AR: variants seen among roughly 807,000 people sequenced by gnomAD.
The protein encoded by AR is dihydrotestosterone receptor.
A neutral mutation model predicts 53.9 loss-of-function variants in AR; 8 were observed. The observed-to-expected ratio is 0.15, with a 90% confidence interval of 0.09 to 0.27. The LOEUF (loss-of-function observed/expected upper bound fraction) is 0.27. Ranked by LOEUF, AR falls within the 10% of genes least tolerant of loss-of-function variation. The pLI is 1.00. For missense variants in AR, 639 were observed against 742.5 expected (o/e 0.86, Z 1.62); for synonymous variants, 359 against 316.4 (o/e 1.13, Z -1.43).
intron 2 of AR, among the ~76,000 whole-genome samples, 153 bp downstream of exon 2, chrX:67,643,560 T>G (rs1175080459): frequency 8.9e-6 from 1 of 111,904 alleles, no homozygotes; most frequent in African/African-American, 3.2e-5. Flanking sequence ...GGAAGCAAAT[T>G]TTTGTACTTG....
chrX:67,571,301 A>T (rs1690591149), intron 1 of AR, among the ~76,000 whole-genome samples: 1 of 111,595 alleles, frequency 9.0e-6, no homozygotes. Context: ...CATCATACAC[A>T]CTGATCCACT....
At chrX:67,670,308 G>A (rs1246010207) in intron 2 of AR, among the ~76,000 whole-genome samples, 1 of 86,696 alleles carries the variant, frequency 1.2e-5, no homozygotes, top group Non-Finnish European at 2.2e-5. Context: ...ATCCACTTGT[G>A]CCCCCAAAAC....
intron 1 of AR, among the ~76,000 whole-genome samples, chrX:67,625,607 T>G (rs973257603): frequency 1.8e-5 from 2 of 111,733 alleles, no homozygotes; most frequent in African/African-American, 6.5e-5. Flanking sequence ...CTCTTACATT[T>G]AAGACCAATT....
intron 2 of AR, among the ~76,000 whole-genome samples, chrX:67,648,651 C>T (rs1175830153): frequency 1.8e-5 from 2 of 112,192 alleles, no homozygotes; most frequent in South Asian, 3.7e-4. Flanking sequence ...GTGCCCAATT[C>T]GGGAGCCATG....
In AR at chrX:67,695,357, G is replaced by A. The variant is rs1010321353; in HGVS notation, c.1885+9231G>A. 1.9e-5 allele frequency: 14 copies of A among 751,989 alleles called. No individual in the cohort carries two copies. The Admixed American group carries it at 1.2e-3, about 67-fold the overall frequency. The allele number at this position is 751,989 out of a possible 1,213,427, so 62.0% of individuals were successfully genotyped here. On this transcript the variant is annotated intron_variant, in intron 3 of 7. Transcript: ENST00000374690. The stretch of plus-strand genomic sequence containing the variant: ...TTCAGTAAACAAGGACCAGATTTCT[G>A]CTTCTCCAGGAGAAGAAGCCAGCCA...
At chrX:67,645,662 T>C (rs1166858107) in intron 2 of AR, among the ~76,000 whole-genome samples, 23 of 111,010 alleles carry the variant, frequency 2.1e-4, no homozygotes, top group Non-Finnish European at 5.7e-5. Flanking sequence ...CCCTTGGTTA[T>C]TTTGACATAT....
chrX:67,653,879 T>C (rs1050161013), intron 2 of AR, among the ~76,000 whole-genome samples: 1 of 111,502 alleles, frequency 9.0e-6, no homozygotes, highest in Non-Finnish European at 1.9e-5. Context: ...TATTAAATGA[T>C]CTTGAAGATT....
intron 3 of AR, among the ~76,000 whole-genome samples, chrX:67,698,958 G>A (rs2076031863): frequency 9.0e-6 from 1 of 111,618 alleles, no homozygotes; most frequent in Non-Finnish European, 1.9e-5. Flanking sequence ...CAGCACATTC[G>A]TTTTATAAAT....
At chrX:67,663,501 A>C (rs1430329209) in intron 2 of AR, among the ~76,000 whole-genome samples, 6 of 112,329 alleles carry the variant, frequency 5.3e-5, no homozygotes, top group Middle Eastern at 4.6e-3. Flanking sequence ...TCAGCTCTTA[A>C]TCTGATGGGC....
intron 1 of AR, among the ~76,000 whole-genome samples, chrX:67,636,140 G>A (rs1451649264): frequency 1.8e-5 from 2 of 111,169 alleles, no homozygotes; most frequent in East Asian, 5.7e-4. Context: ...TGAAGGCATG[G>A]ATTTTTGTCC....
intron 1 of AR, among the ~76,000 whole-genome samples, chrX:67,631,207 T>C (rs751473030): frequency 9.0e-6 from 1 of 111,629 alleles, no homozygotes; most frequent in South Asian, 3.8e-4. Context: ...ACTGGGGAGG[T>C]TCTCCTGGAT....
Position 67,728,471 on chromosome X carries a change from T to A in AR, c.*4630T>A, listed in dbSNP as rs2076166738. 2 of 145,849 alleles carry A rather than the reference T, an allele frequency of 1.4e-5. No homozygotes were observed. Among genetic ancestry groups the A allele is most frequent in the Non-Finnish European group, 2.7e-5 (2 of 74,466 alleles). 12.0% of individuals were successfully genotyped at this position (145,849 alleles called of 1,213,427 possible). On this transcript the variant is annotated 3_prime_UTR_variant, in exon 8 of 8. Coordinates refer to ENST00000374690, the MANE Select transcript of AR (RefSeq NM_000044.6). ...CTAGAGGGACAGCAGGCAGAAATCC[T>A]TATTTCTGCCCACTTTGGATGGCAC... is the stretch of plus-strand genomic sequence containing the variant.
At chrX:67,703,997 A>G (rs1217162099) in intron 3 of AR, among the ~76,000 whole-genome samples, 1 of 112,110 alleles carries the variant, frequency 8.9e-6, no homozygotes, top group Non-Finnish European at 1.9e-5. Context: ...ATGGCTGCAT[A>G]GTATTCCATG....
chrX:67,669,354 A>C (rs1430466621), intron 2 of AR, among the ~76,000 whole-genome samples: 1 of 111,582 alleles, frequency 9.0e-6, no homozygotes, highest in East Asian at 2.8e-4. Context: ...TAGTTTCCAA[A>C]ATTCCTCTTG....
chrX:67,724,202 C>T lies in AR; in HGVS notation c.*361C>T, dbSNP rs1291923209. ...CACTACTCTGTGCCAGCCACACAAA[C>T]GTTTACTTATCTTATGCCACGGGAA... is the stretch of plus-strand genomic sequence containing the variant. On this transcript the variant is annotated 3_prime_UTR_variant, in exon 8 of 8. Transcript: ENST00000374690. 1.0e-5 allele frequency: 2 copies of T among 196,194 alleles called. No individual in the cohort carries two copies. The highest frequency in any genetic ancestry group is 1.9e-5 in the Non-Finnish European group (2 of 107,666). 16.2% of individuals were successfully genotyped at this position (196,194 alleles called of 1,213,427 possible).
intron 2 of AR, among the ~76,000 whole-genome samples, chrX:67,683,787 C>G (rs2075950157): frequency 9.0e-6 from 1 of 111,105 alleles, no homozygotes; most frequent in Non-Finnish European, 1.9e-5. Flanking sequence ...TAAAGAATAT[C>G]TACGTTTTAG....
chrX:67,635,340 G>A (rs1461806225), intron 1 of AR, among the ~76,000 whole-genome samples: 1 of 111,461 alleles, frequency 9.0e-6, no homozygotes, highest in Non-Finnish European at 1.9e-5. Context: ...CCAAAGTTCA[G>A]TGGTAGAGGC....
chrX:67,719,525 C>T (rs1345956668), intron 5 of AR, among the ~76,000 whole-genome samples: 2 of 111,741 alleles, frequency 1.8e-5, no homozygotes, highest in Non-Finnish European at 1.9e-5. Context: ...GAGGCCTAGA[C>T]CCATCAAACC....
Position 67,727,534 on chromosome X carries a change from A to G in AR, c.*3693A>G, listed in dbSNP as rs1012994316. ...ACAAATGAGCTAACATTGAGCTTCAAGTAGCTTCTAAGTGTTTGTTTCATT... is the reference window on the plus strand; with the variant it reads ...ACAAATGAGCTAACATTGAGCTTCAGGTAGCTTCTAAGTGTTTGTTTCATT... On this transcript the variant is annotated 3_prime_UTR_variant, in exon 8 of 8. Transcript: ENST00000374690. The G allele has an allele frequency of 5.8e-6, 1 of 172,367 alleles. No individual in the cohort carries two copies. The highest frequency in any genetic ancestry group is 1.1e-5 in the Non-Finnish European group (1 of 89,996). 14.2% of individuals were successfully genotyped at this position (172,367 alleles called of 1,213,427 possible). A position where few individuals can be genotyped will look rare whatever the true frequency, so the allele number is the denominator to read the frequency against.
Sources: gnomAD v4.1 joint callset for allele counts (sites outside exome capture counted in the v4.1 genomes callset) on GRCh38, gnomAD v4.1.1 for gene constraint, MANE v1.5 for transcripts, NCBI Gene and HGNC (gene_info 2026-07-23, HGNC 2026-07-21) for gene names.